Variants in CSNK2A1 observed in about 807,000 individuals in gnomAD.
CSNK2A1 encodes casein kinase 2 alpha 1, also known as casein kinase II subunit alpha.
CSNK2A1 carries 10 observed loss-of-function variants against 62.9 expected under a neutral mutation model. The observed-to-expected ratio is 0.16, with a 90% CI of 0.10 to 0.27. The LOEUF is 0.27. Ranked by LOEUF, CSNK2A1 falls within the 10% of genes least tolerant of loss-of-function variation. The pLI is 1.00. For synonymous variants in CSNK2A1, 124 were observed against 167.8 expected (o/e 0.74, Z 2.02); for missense variants, 160 against 492.0 (o/e 0.33, Z 6.38).
At chr20:531,423 T>C (rs205907) in intron 1 of CSNK2A1, among the ~76,000 whole-genome samples, 45,586 of 152,052 alleles carry the variant, frequency 0.3, 7,486 homozygotes, top group East Asian at 0.65. Context: ...AATCCCTGGT[T>C]TATACTAAAT....
At chr20:528,760 C>A (rs1023865853) in intron 1 of CSNK2A1, among the ~76,000 whole-genome samples, 6 of 152,074 alleles carry the variant, frequency 3.9e-5, no homozygotes, top group African/African-American at 1.4e-4. Flanking sequence ...CCATGCCCAG[C>A]CAGATTTATC....
chr20:488,373 AAAG>A (rs376440390), intron 11 of CSNK2A1: 43 of 262,802 alleles, frequency 1.6e-4, no homozygotes, highest in African/African-American at 7.3e-4. Flanking sequence ...TTTTTCACTT[AAAG>A]AAGCAAGGTA....
chr20:505,265 A>T (rs2018550815), intron 3 of CSNK2A1, 36 bp from the exon 4 acceptor site: 1 of 1,495,870 alleles, frequency 6.7e-7, no homozygotes, highest in Non-Finnish European at 9.3e-7. Flanking sequence ...TAAACGGTCA[A>T]ATTATCAGCA....
intron 4 of CSNK2A1, chr20:502,548 TA>T (rs1361763885): frequency 6.6e-6 from 1 of 152,190 alleles, no homozygotes. Context: ...TAGGGGAGAT[TA>T]AAAATTTTAA....
At chr20:513,129 T>G (rs1309881969) in intron 2 of CSNK2A1, among the ~76,000 whole-genome samples, 1 of 152,238 alleles carries the variant, frequency 6.6e-6, no homozygotes. Flanking sequence ...TATACTAAAC[T>G]TTTAAATTCT....
intron 13 of CSNK2A1, among the ~76,000 whole-genome samples, chr20:484,608 T>C (rs1465476352): frequency 1.3e-5 from 2 of 152,224 alleles, no homozygotes; most frequent in East Asian, 3.8e-4. Context: ...AAAGTCAATT[T>C]GAATGGGGAA....
intron 4 of CSNK2A1, chr20:503,693 G>A (rs2122555611): frequency 2.5e-6 from 1 of 398,602 alleles, no homozygotes; most frequent in East Asian, 3.6e-5. Flanking sequence ...TAAAAAGCAA[G>A]TACTGCACAA....
At chr20:534,092 G>C (rs1416601070) in intron 1 of CSNK2A1, among the ~76,000 whole-genome samples, 1 of 152,162 alleles carries the variant, frequency 6.6e-6, no homozygotes, top group Non-Finnish European at 1.5e-5. Context: ...GTTACCATTT[G>C]AATGCCTCTT....
rs1395233910 is a variant in CSNK2A1 at position 480,129 on chromosome 20, ATG to A, written c.*3830_*3831del. On this transcript the variant is annotated 3_prime_UTR_variant, in exon 14 of 14. Coordinates refer to ENST00000217244, the MANE Select transcript of CSNK2A1 (RefSeq NM_177559.3). ...GTCTCATTAAATAAAGTTACTTGTC[ATG>A]TTAGTTCAGTCTGGCCTGTGGCTTG... is the stretch of plus-strand genomic sequence containing the variant. 6.6e-6 allele frequency: 1 copy of A among 152,118 alleles called. No individual in the cohort carries two copies. Among genetic ancestry groups the A allele is most frequent in the African/African-American group, 2.4e-5 (1 of 41,428 alleles). The allele number at this position is 152,118 out of a possible 1,614,324, so 9.4% of individuals were successfully genotyped here.
At chr20:485,094 A>T (rs2018052393) in intron 13 of CSNK2A1, among the ~76,000 whole-genome samples, 8 of 48,074 alleles carry the variant, frequency 1.7e-4, no homozygotes, top group African/African-American at 4.3e-4. Context: ...AAAAAAAAAA[A>T]AAAAAAAAAA....
chr20:501,699 G>C (rs879256249), intron 4 of CSNK2A1: 1 of 151,930 alleles, frequency 6.6e-6, no homozygotes, highest in Admixed American at 6.6e-5. Flanking sequence ...CTTTTCCTAG[G>C]GTGTTGGTCA....
At position 503,435 on chromosome 20, in the gene CSNK2A1, T is replaced by TA. The variant is rs147638619; in HGVS notation, c.213+1682dup. The TA allele has an allele frequency of 3.6e-3, 1,438 of 398,586 alleles. 19 individuals carry two copies. The highest frequency in any genetic ancestry group is 0.025 in the African/African-American group (1,235 of 48,742). The allele number at this position is 398,586 out of a possible 1,614,324, so 24.7% of individuals were successfully genotyped here. A position where few individuals can be genotyped will look rare whatever the true frequency, so the allele number is the denominator to read the frequency against. Reference sequence around the variant, plus strand: ...ATATTTCAAGACAGATATAAATACTTAAACTCTCTGGTTCTCAAAGGGCAT... The same window carrying TA: ...ATATTTCAAGACAGATATAAATACTTAAAACTCTCTGGTTCTCAAAGGGCAT... On this transcript the variant is annotated intron_variant, in intron 4 of 13. Transcript: ENST00000217244.
chr20:526,327 T>C (rs2019089161), intron 2 of CSNK2A1, among the ~76,000 whole-genome samples: 1 of 151,646 alleles, frequency 6.6e-6, no homozygotes. Flanking sequence ...ATTTAAAAAT[T>C]AGGCCAGGCA....
intron 1 of CSNK2A1, among the ~76,000 whole-genome samples, chr20:529,502 G>A (rs986275343): frequency 6.6e-6 from 1 of 152,128 alleles, no homozygotes; most frequent in South Asian, 2.1e-4. Flanking sequence ...TTGTCTTCAA[G>A]TTACCCTTAT....
rs1209540694 is a variant in CSNK2A1 at position 479,442 on chromosome 20, T to C, written c.*4519A>G. The C allele has an allele frequency of 6.6e-6, 1 of 152,232 alleles. No homozygotes were observed. Among genetic ancestry groups the C allele is most frequent in the African/African-American group, 2.4e-5 (1 of 41,450 alleles). 9.4% of individuals were successfully genotyped at this position (152,232 alleles called of 1,614,324 possible). ...AAGGGGGCTTGGTCTGTATTGGCAATGGAAATTCAACTTGGGTGGTAGGAT... is the reference window on the plus strand; with the variant it reads ...AAGGGGGCTTGGTCTGTATTGGCAACGGAAATTCAACTTGGGTGGTAGGAT... On this transcript the variant is annotated 3_prime_UTR_variant, in exon 14 of 14. Transcript: ENST00000217244.
chr20:516,012 T>C (rs575382301), intron 2 of CSNK2A1, among the ~76,000 whole-genome samples: 2 of 152,274 alleles, frequency 1.3e-5, no homozygotes, highest in Non-Finnish European at 2.9e-5. Context: ...ATAATTCAAA[T>C]TAAGAGAATA....
At position 486,617 on chromosome 20, in the gene CSNK2A1, A is replaced by G. The variant is rs2018104963; in HGVS notation, c.974-155T>C. ...AAGGTGGCAATTGCCTTCACCATGA[A>G]TTAGACAAGTGGTAAAAAGCAGAAA... is the stretch of plus-strand genomic sequence containing the variant. On this transcript the variant is annotated intron_variant, in intron 12 of 13. Coordinates refer to ENST00000217244, the MANE Select transcript of CSNK2A1 (RefSeq NM_177559.3). 7 of 672,248 alleles carry G rather than the reference A, an allele frequency of 1.0e-5. No individual in the cohort carries two copies. The South Asian group carries it at 1.8e-4, about 17-fold the overall frequency. The allele number at this position is 672,248 out of a possible 1,614,324, so 41.6% of individuals were successfully genotyped here.
Position 497,704 on chromosome 20 carries a change from AT to A in CSNK2A1, c.426+16del, listed in dbSNP as rs2018373262. 6.3e-7 allele frequency: 1 copy of A among 1,589,978 alleles called. No individual in the cohort carries two copies. On this transcript the variant is annotated intron_variant, in intron 7 of 13. Transcript: ENST00000217244. ...AAGACCAATTTAAAAAATATTTAGTATTCAAGGTTCACTTACCTTCAGAATC... is the reference window on the plus strand; with the variant it reads ...AAGACCAATTTAAAAAATATTTAGTATCAAGGTTCACTTACCTTCAGAATC...
At chr20:540,726 T>G (rs2019432965) in intron 1 of CSNK2A1, 1 of 152,208 alleles carries the variant, frequency 6.6e-6, no homozygotes, top group South Asian at 2.1e-4. Flanking sequence ...TAGGTAATAG[T>G]ACCCCACTCC....
Sources: allele counts gnomAD v4.1 joint callset (sites outside exome capture counted in the v4.1 genomes callset), GRCh38; gene constraint gnomAD v4.1.1; transcripts MANE v1.5; gene names NCBI Gene and HGNC (gene_info 2026-07-23, HGNC 2026-07-21).